CSMD1: variants seen among roughly 807,000 people sequenced by gnomAD.
CSMD1 encodes the protein CUB and Sushi multiple domains 1, also known as CUB and sushi domain-containing protein 1.
CSMD1 carries 213 observed loss-of-function variants against 417.5 expected under a neutral mutation model. That is an observed-to-expected ratio of 0.51 (90% CI 0.46 to 0.57). The LOEUF (loss-of-function observed/expected upper bound fraction) is 0.57. CSMD1 is among the 20% of genes least tolerant of loss of function. The probability of loss-of-function intolerance (pLI) is 0.00; values close to 1 mark genes in which losing one functional copy is unlikely to be tolerated. For synonymous variants in CSMD1, 2,862 were observed against 1,736.8 expected (o/e 1.65, Z -16.11); for missense variants, 6,923 against 4,529.7 (o/e 1.53, Z -15.17).
intron 26 of CSMD1, among the ~76,000 whole-genome samples, chr8:3,243,565 A>G (rs1489309097): frequency 6.6e-6 from 1 of 151,978 alleles, no homozygotes; most frequent in Non-Finnish European, 1.5e-5. Context: ...ATTGCACAAG[A>G]TAATGTCATC....
chr8:4,650,284 G>T (rs1450180805), intron 1 of CSMD1, among the ~76,000 whole-genome samples: 1 of 144,562 alleles, frequency 6.9e-6, no homozygotes, highest in Admixed American at 7.1e-5. Context: ...GGCGGAGCTT[G>T]CAGTGAGCCT....
intron 39 of CSMD1, among the ~76,000 whole-genome samples, chr8:3,154,270 G>A (rs1563092263): frequency 6.6e-6 from 1 of 152,218 alleles, no homozygotes; most frequent in East Asian, 1.9e-4. Flanking sequence ...ACTGTGCCCA[G>A]CCCTTTGTGA....
chr8:3,968,004 T>TAAAAAAAAAAAAAAAAAAAAAAAAAA (rs11330461), intron 5 of CSMD1, among the ~76,000 whole-genome samples: 17 of 98,888 alleles, frequency 1.7e-4, no homozygotes, highest in African/African-American at 7.4e-4. Context: ...CGTCACTGCT[T>TAAAAAAAAAAAAAAAAAAAAAAAAAA]AAAAAAAAAA....
chr8:3,817,249 CTTCTTTTTTTTTTTTTTTTTT>C (rs1801430852), intron 5 of CSMD1, among the ~76,000 whole-genome samples: 2 of 72,944 alleles, frequency 2.7e-5, no homozygotes, highest in Non-Finnish European at 2.8e-5. Flanking sequence ...ATATCTTCTT[CTTCTTTTTTTTTTTTTTTTTT>C]TTTTTTTTTT....
chr8:4,140,274 A>G (rs1232777794), intron 3 of CSMD1, among the ~76,000 whole-genome samples: 1 of 150,910 alleles, frequency 6.6e-6, no homozygotes, highest in African/African-American at 2.5e-5. Context: ...AGGCGGGTGG[A>G]TCACTTGAGG....
chr8:3,627,072 G>A (rs1191473460), intron 7 of CSMD1, among the ~76,000 whole-genome samples: 1 of 152,120 alleles, frequency 6.6e-6, no homozygotes, highest in African/African-American at 2.4e-5. Flanking sequence ...ATCTGGTTGA[G>A]AATTGCTGTG....
chr8:3,758,450 G>T (rs1797797081), intron 5 of CSMD1, among the ~76,000 whole-genome samples: 1 of 152,130 alleles, frequency 6.6e-6, no homozygotes, highest in African/African-American at 2.4e-5. Context: ...TGGGAAAGGG[G>T]GTTGTTCCAA....
intron 41 of CSMD1, among the ~76,000 whole-genome samples, chr8:3,126,780 C>T (rs1266045026): frequency 6.6e-6 from 1 of 152,194 alleles, no homozygotes; most frequent in Non-Finnish European, 1.5e-5. Flanking sequence ...CAAACTGTTG[C>T]AAAAGTTGTC....
intron 9 of CSMD1, among the ~76,000 whole-genome samples, chr8:3,582,972 T>C (rs1159424338): frequency 1.3e-5 from 2 of 152,288 alleles, no homozygotes; most frequent in East Asian, 3.9e-4. Flanking sequence ...ATTAACTGAC[T>C]AAGTTAAGGA....
chr8:4,626,942 A>T (rs1029846356), intron 2 of CSMD1, among the ~76,000 whole-genome samples: 1 of 152,276 alleles, frequency 6.6e-6, no homozygotes, highest in African/African-American at 2.4e-5. Context: ...AGTGCATCAG[A>T]TTTCTCTGCA....
intron 1 of CSMD1, among the ~76,000 whole-genome samples, chr8:4,901,305 C>T (rs141353125): frequency 1.3e-3 from 192 of 152,160 alleles, no homozygotes; most frequent in South Asian, 3.1e-3. Flanking sequence ...TTTTTTATTC[C>T]GCTTGTGTCA....
intron 1 of CSMD1, among the ~76,000 whole-genome samples, chr8:4,805,745 C>T (rs950309354): frequency 2.0e-5 from 3 of 152,172 alleles, no homozygotes; most frequent in South Asian, 2.1e-4. Context: ...AATTCCAGAC[C>T]CTGTCATATT....
Position 3,194,733 on chromosome 8 carries a change from G to C in CSMD1, c.5195-4618C>G, listed in dbSNP as rs560258000. Among the ~76,000 whole-genome samples the C allele has an allele frequency of 1.6e-4, 25 of 151,770 alleles. No individual in the cohort carries two copies. In the East Asian group the frequency reaches 1.8e-3, roughly 11 times the overall value. On this transcript the variant is annotated intron_variant, in intron 33 of 69. Transcript: ENST00000635120. ...AATCTGCCTGCCTTGGCCTCCCAAAGTGCTAGGATTATAGGCATGAGCCAC... is the reference window on the plus strand; with the variant it reads ...AATCTGCCTGCCTTGGCCTCCCAAACTGCTAGGATTATAGGCATGAGCCAC...
At chr8:3,024,293 T>A (rs1242784997) in intron 51 of CSMD1, among the ~76,000 whole-genome samples, 4 of 142,644 alleles carry the variant, frequency 2.8e-5, no homozygotes, top group Non-Finnish European at 6.1e-5. Context: ...TTGAGGTTTT[T>A]TTTGGGGGGG....
At chr8:3,725,370 C>A (rs146609451) in intron 6 of CSMD1, among the ~76,000 whole-genome samples, 1 of 152,126 alleles carries the variant, frequency 6.6e-6, no homozygotes, top group Non-Finnish European at 1.5e-5. Context: ...GACAAAGAAC[C>A]TGGATGACCA....
intron 26 of CSMD1, among the ~76,000 whole-genome samples, chr8:3,258,726 CA>C (rs1300314255): frequency 6.6e-6 from 1 of 152,102 alleles, no homozygotes; most frequent in Non-Finnish European, 1.5e-5. Context: ...ATAAAGAAAA[CA>C]TGGTACATAT....
chr8:3,621,962 T>C (rs1197916061), intron 7 of CSMD1, among the ~76,000 whole-genome samples: 1 of 132,858 alleles, frequency 7.5e-6, no homozygotes, highest in Non-Finnish European at 1.6e-5. Flanking sequence ...TTCTGTCTTA[T>C]GTCTCTCTCT....
At chr8:4,072,083 G>A (rs916759544) in intron 3 of CSMD1, among the ~76,000 whole-genome samples, 2 of 152,204 alleles carry the variant, frequency 1.3e-5, no homozygotes, top group Non-Finnish European at 2.9e-5. Flanking sequence ...TGACATGCTT[G>A]ACCTGAAAAT....
chr8:4,148,491 A>G (rs1042398006), intron 3 of CSMD1, among the ~76,000 whole-genome samples: 5 of 151,998 alleles, frequency 3.3e-5, no homozygotes, highest in African/African-American at 9.6e-5. Context: ...CACATTGTGC[A>G]CATGTACCCT....
Sources: gnomAD v4.1 joint callset for allele counts (sites outside exome capture counted in the v4.1 genomes callset) on GRCh38, gnomAD v4.1.1 for gene constraint, MANE v1.5 for transcripts, NCBI Gene and HGNC (gene_info 2026-07-23, HGNC 2026-07-21) for gene names.